The following RELCH variants were observed in gnomAD, a reference collection of about 807,000 sequenced individuals.
The protein encoded by RELCH is RAB11-binding protein RELCH.
RELCH carries 41 observed loss-of-function variants against 150.3 expected under a neutral mutation model. The ratio of observed to expected loss-of-function variants is 0.27; its 90% CI spans 0.21 to 0.35. The LOEUF is 0.35. RELCH is among the 10% of genes least tolerant of loss of function. RELCH has a pLI of 1.00. For missense variants in RELCH, 1,092 were observed against 1,467.8 expected, an observed-to-expected ratio of 0.74 and a Z score of 4.18; for synonymous variants, 478 against 531.8, an observed-to-expected ratio of 0.90 and a Z score of 1.39.
intron 27 of RELCH, among the ~76,000 whole-genome samples, chr18:62,294,954 A>G (rs1391496971): frequency 6.6e-6 from 1 of 152,200 alleles, no homozygotes; most frequent in East Asian, 1.9e-4. Flanking sequence ...ATTGGGGAAC[A>G]TTCTTTCTCA....
At chr18:62,300,184 T>A (rs1380210191) in intron 28 of RELCH, 2 of 152,262 alleles carry the variant, frequency 1.3e-5, no homozygotes, top group Non-Finnish European at 2.9e-5. Flanking sequence ...GTGATTGCAT[T>A]TCTCTTCTGT....
At chr18:62,239,452 C>T (rs1306893359) in intron 10 of RELCH, among the ~76,000 whole-genome samples, 3 of 151,826 alleles carry the variant, frequency 2.0e-5, no homozygotes, top group African/African-American at 7.3e-5. Context: ...TGTACACTAT[C>T]TACAGACCAA....
At chr18:62,214,926 G>A (rs28611221) in intron 2 of RELCH, among the ~76,000 whole-genome samples, 1 of 152,108 alleles carries the variant, frequency 6.6e-6, no homozygotes, top group East Asian at 1.9e-4. Context: ...AGGAGGGACA[G>A]CCTGAAAGAG....
At chr18:62,231,344 A>G in intron 9 of RELCH, 75 bp downstream of exon 9, 1 of 911,366 alleles carries the variant, frequency 1.1e-6, no homozygotes, top group Non-Finnish European at 1.8e-6. Context: ...TTTCTCTTCT[A>G]CAGAAGCATC....
At position 62,288,449 on chromosome 18, in the gene RELCH, A is replaced by G. The variant is rs1341065334; in HGVS notation, c.3370+982A>G. 3.3e-5 allele frequency among the ~76,000 whole-genome samples: 5 copies of G among 152,264 alleles called. No homozygotes were observed. In the East Asian group the frequency reaches 9.6e-4, roughly 29 times the overall value. Reference sequence around the variant, plus strand: ...CATTGACACTGGATTCTGGACTAGAATGTACCAATAAGAAGTTATTTTTGT... The same window carrying G: ...CATTGACACTGGATTCTGGACTAGAGTGTACCAATAAGAAGTTATTTTTGT... On this transcript the variant is annotated intron_variant, in intron 26 of 28. Transcript: ENST00000644646.
intron 13 of RELCH, 63 bp from the exon 14 acceptor site, chr18:62,257,885 A>G: frequency 3.2e-6 from 4 of 1,260,318 alleles, no homozygotes; most frequent in East Asian, 2.5e-5. Flanking sequence ...GATGTTTGTC[A>G]TATTATTTTC....
intron 11 of RELCH, among the ~76,000 whole-genome samples, chr18:62,245,448 ACT>A (rs1381438261): frequency 7.2e-5 from 11 of 152,094 alleles, no homozygotes; most frequent in Admixed American, 6.5e-4. Flanking sequence ...ACATGGTGAA[ACT>A]CTATCTCTTC....
chr18:62,293,877 T>G (rs2045277765), intron 27 of RELCH, among the ~76,000 whole-genome samples: 1 of 152,184 alleles, frequency 6.6e-6, no homozygotes, highest in South Asian at 2.1e-4. Flanking sequence ...TTTCATACTT[T>G]GTTTTTCTTA....
chr18:62,248,795 T>TA, intron 11 of RELCH, among the ~76,000 whole-genome samples: 1 of 152,326 alleles, frequency 6.6e-6, no homozygotes, highest in East Asian at 1.9e-4. Context: ...CTGAGTCTAA[T>TA]ACCCACAAGT....
chr18:62,279,729 C>A, intron 22 of RELCH, 45 bp from the exon 23 acceptor site: 1 of 1,308,772 alleles, frequency 7.6e-7, no homozygotes, highest in Non-Finnish European at 1.1e-6. Context: ...TGTGTTTGCT[C>A]TTTCCGTGCA....
intron 20 of RELCH, among the ~76,000 whole-genome samples, chr18:62,272,151 A>G (rs1204336958): frequency 6.6e-6 from 1 of 152,102 alleles, no homozygotes; most frequent in African/African-American, 2.4e-5. Context: ...TTCTGTTTGT[A>G]AAAGATTTTA....
chr18:62,283,850 C>T (rs923337323), intron 25 of RELCH, among the ~76,000 whole-genome samples: 3 of 152,138 alleles, frequency 2.0e-5, no homozygotes, highest in African/African-American at 7.2e-5. Context: ...AGGATAGGCT[C>T]AACAGGCAAT....
chr18:62,206,649 C>T lies in RELCH; in HGVS notation c.527-4504C>T, dbSNP rs575191976. Among the ~76,000 whole-genome samples, 11 of 152,170 alleles carry T rather than the reference C, an allele frequency of 7.2e-5. 1 individual carries two copies. The South Asian group carries it at 2.3e-3, about 32-fold the overall frequency. ...AATTTAACAGAGGGTTGACAATAGC[C>T]TCTTATTTGTCCCTTTTTAAACATT... On this transcript the variant is annotated intron_variant, in intron 1 of 28. Transcript: ENST00000644646.
intron 1 of RELCH, among the ~76,000 whole-genome samples, chr18:62,206,410 T>C (rs559164060): frequency 3.4e-4 from 52 of 152,238 alleles, no homozygotes; most frequent in Non-Finnish European, 7.2e-4. Context: ...TAAAGGCAAG[T>C]GGTACATTGA....
At chr18:62,250,562 A>G (rs141084777) in intron 11 of RELCH, among the ~76,000 whole-genome samples, 1 of 152,344 alleles carries the variant, frequency 6.6e-6, no homozygotes, top group Non-Finnish European at 1.5e-5. Context: ...AGGAATGCAA[A>G]AGAAAAGTTG....
intron 10 of RELCH, among the ~76,000 whole-genome samples, chr18:62,243,427 T>C (rs1293299618): frequency 6.6e-6 from 1 of 152,164 alleles, no homozygotes; most frequent in Non-Finnish European, 1.5e-5. Context: ...TCATTTTTTA[T>C]TCCTTTTCAA....
chr18:62,306,621 A>G lies in RELCH; in HGVS notation c.*1087A>G, dbSNP rs900719006. 1 of 152,648 alleles carries G rather than the reference A, an allele frequency of 6.6e-6. No individual in the cohort carries two copies. Among genetic ancestry groups the G allele is most frequent in the Non-Finnish European group, 1.5e-5 (1 of 68,036 alleles). The allele number at this position is 152,648 out of a possible 1,614,324, so 9.5% of individuals were successfully genotyped here. A position where few individuals can be genotyped will look rare whatever the true frequency, so the allele number is the denominator to read the frequency against. On this transcript the variant is annotated 3_prime_UTR_variant, in exon 29 of 29. Transcript: ENST00000644646. The stretch of plus-strand genomic sequence containing the variant: ...GTCAGTGACCTCCTGTGTTTGATGT[A>G]TATTACATAGAGTCTTAAGTCAGTG...
In RELCH at chr18:62,306,894, A is replaced by G. The variant is rs997749379; in HGVS notation, c.*1360A>G. The G allele has an allele frequency of 6.6e-6, 1 of 152,670 alleles. No homozygotes were observed. Among genetic ancestry groups the G allele is most frequent in the East Asian group, 1.9e-4 (1 of 5,204 alleles). The allele number at this position is 152,670 out of a possible 1,614,324, so 9.5% of individuals were successfully genotyped here. On this transcript the variant is annotated 3_prime_UTR_variant, in exon 29 of 29. Transcript: ENST00000644646. ...TTGGATTACATTCATTTCCTGGGAA[A>G]GCTAGCTTACCATACATTCAAGTTT...
intron 1 of RELCH, among the ~76,000 whole-genome samples, chr18:62,193,624 T>C (rs1370865959): frequency 6.6e-6 from 1 of 152,232 alleles, no homozygotes; most frequent in Admixed American, 6.5e-5. Flanking sequence ...GAGATAATCA[T>C]GTGGTTTTTG....
Sources: allele counts gnomAD v4.1 joint callset (sites outside exome capture counted in the v4.1 genomes callset), GRCh38; gene constraint gnomAD v4.1.1; transcripts MANE v1.5; gene names NCBI Gene and HGNC (gene_info 2026-07-23, HGNC 2026-07-21).